The following FLT1 variants were observed in gnomAD, a reference collection of about 807,000 sequenced individuals.
FLT1 encodes the protein fms related receptor tyrosine kinase 1.
A neutral mutation model predicts 156.3 loss-of-function variants in FLT1; 49 were observed. The observed-to-expected ratio is 0.31, with a 90% CI of 0.25 to 0.40. FLT1 has a LOEUF of 0.40. FLT1 is among the 10% of genes least tolerant of loss of function. The pLI is 1.00. For synonymous variants in FLT1, 594 were observed against 583.8 expected, an observed-to-expected ratio of 1.02 and a Z score of -0.25; for missense variants, 1,322 against 1,637.2, an observed-to-expected ratio of 0.81 and a Z score of 3.32.
At chr13:28,422,261 T>C (rs900074526) in intron 10 of FLT1, among the ~76,000 whole-genome samples, 4 of 152,108 alleles carry the variant, frequency 2.6e-5, no homozygotes, top group Non-Finnish European at 4.4e-5. Flanking sequence ...TTATCACAGA[T>C]AGCTTATAAA....
At chr13:28,308,816 A>C in intron 28 of FLT1, 27 bp downstream of exon 28, 1 of 1,420,908 alleles carries the variant, frequency 7.0e-7, no homozygotes, top group Non-Finnish European at 1.0e-6. Flanking sequence ...ATCGGGGTGC[A>C]CTAGGTACCT....
rs2137622289 is a variant in FLT1 at position 28,466,990 on chromosome 13, G to A, written c.301C>T (p.His101Tyr). ...TLTLNTAQAN[H>Y]TGFYSCKYLA... ...TATTTGCAGCTGTAGAAGCCAGTGT[G>A]GTTTGCTTGAGCTGTGTTCAAGGTT... The change falls in exon 3 of 30, where the codon CAC (histidine) becomes TAC (tyrosine). Residue 101 changes from histidine to tyrosine, a missense_variant. By Grantham distance (83) the His-to-Tyr change is moderately conservative. Around this residue, in one of 3 missense-constraint regions of FLT1, gnomAD observed 991 missense variants for 1,254.8 expected, o/e 0.79. Coordinates refer to ENST00000282397, the MANE Select transcript of FLT1 (RefSeq NM_002019.4). 6.2e-7 allele frequency: 1 copy of A among 1,614,052 alleles called. No homozygotes were observed. Among genetic ancestry groups the A allele is most frequent in the Non-Finnish European group, 8.5e-7 (1 of 1,179,914 alleles).
intron 11 of FLT1, among the ~76,000 whole-genome samples, chr13:28,402,931 C>A (rs117889952): frequency 0.032 from 4,894 of 152,004 alleles, 210 homozygotes; most frequent in Admixed American, 0.11. Flanking sequence ...CTGGGATTAC[C>A]ACTACGCCCG....
intron 14 of FLT1, among the ~76,000 whole-genome samples, chr13:28,380,985 G>A (rs187511324): frequency 1.2e-4 from 18 of 152,214 alleles, no homozygotes; most frequent in Non-Finnish European, 2.1e-4. Flanking sequence ...TGACTCATGA[G>A]GGCCATGCTA....
intron 15 of FLT1, 159 bp from the exon 16 acceptor site, chr13:28,345,710 T>C: frequency 1.5e-6 from 1 of 661,432 alleles, no homozygotes; most frequent in Non-Finnish European, 2.7e-6. Flanking sequence ...TCTCTTACCT[T>C]CTAAGCCAGG....
At position 28,431,293 on chromosome 13, in the gene FLT1, G is replaced by A. The variant is rs201258699; in HGVS notation, c.831C>T (p.Ser277=). The A allele has an allele frequency of 2.5e-5, 40 of 1,613,234 alleles. 1 individual carries two copies. Among genetic ancestry groups the A allele is most frequent in the South Asian group, 1.1e-4 (10 of 91,056 alleles). Residue 277 remains serine, a synonymous_variant, in exon 7 of 30, where the codon TCC becomes TCT. Coordinates refer to ENST00000282397, the MANE Select transcript of FLT1 (RefSeq NM_002019.4). ...SYPDEKNKRA[S]VRRRIDQSNS... ...TGCTTTGGTCAATTCGTCGCCTTAC[G>A]GAAGCTCTCTTATTTTTCTAGAAAG...
intron 13 of FLT1, chr13:28,385,642 C>A: frequency 3.0e-6 from 3 of 1,015,912 alleles, no homozygotes; most frequent in South Asian, 9.3e-5. Flanking sequence ...GGCAGAGGCA[C>A]AGATTTGTAG....
In FLT1 at chr13:28,390,015, A is replaced by G; in HGVS notation, c.1750T>C (p.Tyr584His). The G allele has an allele frequency of 6.2e-7, 1 of 1,614,220 alleles. No individual in the cohort carries two copies. The highest frequency in any genetic ancestry group is 8.5e-7 in the Non-Finnish European group (1 of 1,180,036). Residue 584 changes from tyrosine to histidine, a missense_variant, in exon 13 of 30, where the codon TAC (tyrosine) becomes CAC (histidine). This residue lies in a region of FLT1 where 991 missense variants were observed against 1,254.8 expected (regional missense o/e 0.79). Coordinates refer to ENST00000282397, the MANE Select transcript of FLT1 (RefSeq NM_002019.4). ...KLSCTVNKFL[Y>H]RDVTWILLRT... ...AGTAAAATCCAAGTAACGTCTCTGTATAAGAACTTGTTAACTGTGCAAGAC... is the reference window on the plus strand; with the variant it reads ...AGTAAAATCCAAGTAACGTCTCTGTGTAAGAACTTGTTAACTGTGCAAGAC...
intron 6 of FLT1, among the ~76,000 whole-genome samples, chr13:28,431,869 T>C (rs1374091002): frequency 1.3e-5 from 2 of 151,762 alleles, no homozygotes; most frequent in African/African-American, 4.8e-5. Flanking sequence ...GAAAATATAA[T>C]GAGTCTTGGC....
intron 14 of FLT1, among the ~76,000 whole-genome samples, chr13:28,373,971 T>C (rs1873733608): frequency 6.6e-6 from 1 of 152,180 alleles, no homozygotes; most frequent in African/African-American, 2.4e-5. Flanking sequence ...ATGTTCAAAG[T>C]ACATTTCCGT....
chr13:28,306,330 G>A (rs776227330), intron 29 of FLT1, among the ~76,000 whole-genome samples: 6 of 152,218 alleles, frequency 3.9e-5, no homozygotes, highest in Non-Finnish European at 5.9e-5. Context: ...GGCATAGGGA[G>A]TGACAGCGGG....
At chr13:28,325,614 A>ACCAG (rs1290122414) in intron 20 of FLT1, among the ~76,000 whole-genome samples, 1 of 151,990 alleles carries the variant, frequency 6.6e-6, no homozygotes, top group Non-Finnish European at 1.5e-5. Flanking sequence ...CAGGAGTTTG[A>ACCAG]CCAGCCTGGC....
chr13:28,304,700 C>T (rs1870666379), intron 29 of FLT1, among the ~76,000 whole-genome samples: 1 of 152,150 alleles, frequency 6.6e-6, no homozygotes, highest in Non-Finnish European at 1.5e-5. Context: ...CTCACGCCCT[C>T]CAGCCCCAGC....
chr13:28,384,152 G>A (rs1463083777), intron 14 of FLT1, among the ~76,000 whole-genome samples: 2 of 152,144 alleles, frequency 1.3e-5, no homozygotes, highest in African/African-American at 4.8e-5. Flanking sequence ...ATTATAAACT[G>A]GCCAGACGCA....
At position 28,311,544 on chromosome 13, in the gene FLT1, T is replaced by C. The variant is rs760291069; in HGVS notation, c.3635+46A>G. On this transcript the variant is annotated intron_variant, in intron 27 of 29. Coordinates refer to ENST00000282397, the MANE Select transcript of FLT1 (RefSeq NM_002019.4). ...CTTTCGTCTTTCTTTCCTTCTTTTT[T>C]TTGTTGGAAAATTCTGTGATATAAA... 2.0e-6 allele frequency: 3 copies of C among 1,526,390 alleles called. No individual in the cohort carries two copies. The South Asian group carries it at 3.5e-5, about 18-fold the overall frequency. The allele number at this position is 1,526,390 out of a possible 1,614,324, so 94.6% of individuals were successfully genotyped here. A position where few individuals can be genotyped will look rare whatever the true frequency, so the allele number is the denominator to read the frequency against.
At chr13:28,318,315 T>G (rs1172281156) in intron 24 of FLT1, among the ~76,000 whole-genome samples, 1 of 151,270 alleles carries the variant, frequency 6.6e-6, no homozygotes, top group Non-Finnish European at 1.5e-5. Flanking sequence ...TGGAATGGGG[T>G]GGGGGCTGCC....
rs1205459147 is a variant in FLT1 at position 28,319,554 on chromosome 13, C to A, written c.3175-20G>T. 6.7e-7 allele frequency: 1 copy of A among 1,482,512 alleles called. No individual in the cohort carries two copies. Among genetic ancestry groups the A allele is most frequent in the Admixed American group, 1.7e-5 (1 of 59,548 alleles). 91.8% of individuals were successfully genotyped at this position (1,482,512 alleles called of 1,614,324 possible). A position where few individuals can be genotyped will look rare whatever the true frequency, so the allele number is the denominator to read the frequency against. Reference sequence around the variant, plus strand: ...TCGAGTCTAGAAGAGGGCAAGGGGGCCTTGAGCAGAAGGGCATGAAAACAA... The same window carrying A: ...TCGAGTCTAGAAGAGGGCAAGGGGGACTTGAGCAGAAGGGCATGAAAACAA... On this transcript the variant is annotated intron_variant, in intron 23 of 29. Coordinates refer to ENST00000282397, the MANE Select transcript of FLT1 (RefSeq NM_002019.4).
rs372046832 is a variant in FLT1, at chr13:28,306,760, C to G, written c.3733G>C (p.Asp1245His). 1 of 1,613,010 alleles carries G rather than the reference C, an allele frequency of 6.2e-7. No homozygotes were observed. The highest frequency in any genetic ancestry group is 1.3e-5 in the African/African-American group (1 of 74,860). Residue 1245 changes from aspartate (D) to histidine (H), a missense_variant, in exon 29 of 30, where the codon GAC (aspartate) becomes CAC (histidine). Asp to His is a moderately conservative substitution (Grantham distance 81, BLOSUM62 -1). Around this residue, in one of 3 missense-constraint regions of FLT1, gnomAD observed 329 missense variants for 366.2 expected, o/e 0.90. Transcript: ENST00000282397. ...ATSMFDDYQGDSSTLLASPML... is the reference protein window; with the variant it reads ...ATSMFDDYQGHSSTLLASPML... ...GGAGAGGCCAACAGAGTGCTGCTGT[C>G]GCCCTGGTAGTCCTAGGGGGAGAAG... is the stretch of plus-strand genomic sequence containing the variant.
chr13:28,429,171 G>A (rs79888775), intron 8 of FLT1, among the ~76,000 whole-genome samples: 2,585 of 152,132 alleles, frequency 0.017, 62 homozygotes, highest in African/African-American at 0.058. Flanking sequence ...CTACTGCAAT[G>A]GCATGAAGAC....
Sources: allele counts gnomAD v4.1 joint callset (sites outside exome capture counted in the v4.1 genomes callset), GRCh38; gene constraint gnomAD v4.1.1; regional missense constraint gnomAD v4.1.1; transcripts MANE v1.5; gene names NCBI Gene and HGNC (gene_info 2026-07-23, HGNC 2026-07-21).